Variants in CCDC198 observed in about 807,000 individuals in gnomAD.
CCDC198 encodes factor associated with metabolism and energy.
In CCDC198, 18 loss-of-function variants were observed where a neutral mutation model predicts 35.6. That is an observed-to-expected ratio of 0.51 (90% CI 0.35 to 0.75). The LOEUF is 0.75. CCDC198 is among the 30% of genes least tolerant of loss of function. CCDC198 has a pLI of 0.01. For missense variants in CCDC198, 365 were observed against 343.7 expected (o/e 1.06, Z -0.49); for synonymous variants, 119 against 113.4 (o/e 1.05, Z -0.31).
At chr14:57,477,542 G>C (rs1215046633) in intron 5 of CCDC198, among the ~76,000 whole-genome samples, 1 of 151,984 alleles carries the variant, frequency 6.6e-6, no homozygotes, top group Non-Finnish European at 1.5e-5. Flanking sequence ...ATTCTCATAC[G>C]GTTAAAGTGT....
At chr14:57,474,223 A>C (rs2066902125) in intron 5 of CCDC198, among the ~76,000 whole-genome samples, 1 of 152,254 alleles carries the variant, frequency 6.6e-6, no homozygotes, top group Non-Finnish European at 1.5e-5. Context: ...ATAGATGAAT[A>C]AATGAATAAA....
intron 5 of CCDC198, chr14:57,478,623 C>T (rs2067080815): frequency 1.3e-5 from 13 of 993,898 alleles, no homozygotes; most frequent in Non-Finnish European, 1.6e-5. Context: ...CAAGTGATGA[C>T]TCTTAAATGT....
chr14:57,471,263 G>A lies in CCDC198; in HGVS notation c.*92C>T, dbSNP rs1233314483. ...TTTCTTTTTACCAAAGTGATTTGCT[G>A]TCCTCAAAGTAATTCATATATCAGT... On this transcript the variant is annotated 3_prime_UTR_variant, in exon 6 of 6. Coordinates refer to ENST00000216445, the MANE Select transcript of CCDC198 (RefSeq NM_018168.4). 5.8e-6 allele frequency: 5 copies of A among 868,078 alleles called. No individual in the cohort carries two copies. The highest frequency in any genetic ancestry group is 9.0e-6 in the Non-Finnish European group (5 of 557,748). 53.8% of individuals were successfully genotyped at this position (868,078 alleles called of 1,614,324 possible).
intron 5 of CCDC198, 126 bp downstream of exon 5, chr14:57,480,469 G>T: frequency 7.8e-7 from 1 of 1,278,024 alleles, no homozygotes; most frequent in Non-Finnish European, 1.1e-6. Context: ...ATTCTGGGAA[G>T]TAAAAATCTC....
Position 57,480,711 on chromosome 14 carries a change from A to G in CCDC198, c.539T>C (p.Ile180Thr). Residue 180 changes from isoleucine (I) to threonine (T), a missense_variant, in exon 5 of 6, where the codon ATT becomes ACT. Coordinates refer to ENST00000216445, the MANE Select transcript of CCDC198 (RefSeq NM_018168.4). Reference protein sequence around the residue: ...LKKSLHGEARINKQSPRDHKA... With the variant: ...LKKSLHGEARTNKQSPRDHKA... The stretch of plus-strand genomic sequence containing the variant: ...ATGGTCCCTTGGACTTTGCTTATTA[A>G]TTCTTGCCTCTCCATGAAGACTTTT... The G allele has an allele frequency of 1.2e-6, 2 of 1,614,052 alleles. No homozygotes were observed. The highest frequency in any genetic ancestry group is 1.7e-6 in the Non-Finnish European group (2 of 1,179,956).
At chr14:57,489,459 A>C (rs1411536791) in intron 2 of CCDC198, among the ~76,000 whole-genome samples, 1 of 152,100 alleles carries the variant, frequency 6.6e-6, no homozygotes, top group Non-Finnish European at 1.5e-5. Context: ...CTGTGCAGCA[A>C]ATCACCGTGG....
chr14:57,483,021 C>T (rs2067238777), intron 3 of CCDC198, 44 bp downstream of exon 3: 2 of 1,613,164 alleles, frequency 1.2e-6, no homozygotes, highest in Non-Finnish European at 1.7e-6. Flanking sequence ...CCTGTGTCGC[C>T]CACCCCCAGT....
At chr14:57,473,718 T>A (rs1003206087) in intron 5 of CCDC198, among the ~76,000 whole-genome samples, 3 of 152,162 alleles carry the variant, frequency 2.0e-5, no homozygotes, top group African/African-American at 7.2e-5. Flanking sequence ...GAGTGACATT[T>A]AAAAATATGA....
At chr14:57,476,671 C>A (rs2067008095) in intron 5 of CCDC198, among the ~76,000 whole-genome samples, 1 of 152,170 alleles carries the variant, frequency 6.6e-6, no homozygotes, top group South Asian at 2.1e-4. Flanking sequence ...TTTTATCTCA[C>A]AAGAGAGCCA....
chr14:57,469,307 A>T lies in CCDC198; in HGVS notation c.*2048T>A, dbSNP rs1343602291. 1 of 152,234 alleles carries T rather than the reference A, an allele frequency of 6.6e-6. No individual in the cohort carries two copies. Among genetic ancestry groups the T allele is most frequent in the Non-Finnish European group, 1.5e-5 (1 of 68,048 alleles). The allele number at this position is 152,234 out of a possible 1,614,324, so 9.4% of individuals were successfully genotyped here. A position where few individuals can be genotyped will look rare whatever the true frequency, so the allele number is the denominator to read the frequency against. On this transcript the variant is annotated 3_prime_UTR_variant, in exon 6 of 6. Transcript: ENST00000216445. ...ACTAGTCAACTCAACACATTCATTAATTCAGCAAACATTTAATGATAAACT... is the reference window on the plus strand; with the variant it reads ...ACTAGTCAACTCAACACATTCATTATTTCAGCAAACATTTAATGATAAACT...
At chr14:57,472,436 T>C (rs1380762143) in intron 5 of CCDC198, among the ~76,000 whole-genome samples, 1 of 152,240 alleles carries the variant, frequency 6.6e-6, no homozygotes, top group African/African-American at 2.4e-5. Flanking sequence ...TATTTCCTTG[T>C]TATTAAATTG....
rs912265334 is a variant in CCDC198, at chr14:57,480,364, A to C, written c.655+231T>G. Reference sequence around the variant, plus strand: ...TGCAATGAAGCATGCAAAGCATATTAAACCCATACAAAGAAAGAGACATTT... The same window carrying C: ...TGCAATGAAGCATGCAAAGCATATTCAACCCATACAAAGAAAGAGACATTT... On this transcript the variant is annotated intron_variant, in intron 5 of 5. Transcript: ENST00000216445. The C allele has an allele frequency of 1.7e-5, 15 of 904,202 alleles. No individual in the cohort carries two copies. In the African/African-American group the frequency reaches 2.2e-4, roughly 13 times the overall value. The allele number at this position is 904,202 out of a possible 1,614,324, so 56.0% of individuals were successfully genotyped here.
intron 5 of CCDC198, chr14:57,475,518 C>A (rs1446144959): frequency 1.1e-6 from 1 of 938,008 alleles, no homozygotes; most frequent in Non-Finnish European, 1.4e-6. Flanking sequence ...ACCAGCTTGG[C>A]CAACATGGTG....
chr14:57,483,459 C>T (rs1451690114), intron 2 of CCDC198, among the ~76,000 whole-genome samples: 2 of 152,110 alleles, frequency 1.3e-5, no homozygotes, highest in African/African-American at 2.4e-5. Context: ...TATCAAACCA[C>T]CAGGATCTTA....
intron 4 of CCDC198, 74 bp from the exon 5 acceptor site, chr14:57,480,828 C>G: frequency 1.3e-6 from 2 of 1,504,256 alleles, no homozygotes; most frequent in Non-Finnish European, 1.8e-6. Context: ...ACAGATCAGC[C>G]ACTTTGCAAG....
At chr14:57,493,385 A>AT (rs1232084695) in intron 1 of CCDC198, 108 bp downstream of exon 1, 9 of 948,806 alleles carry the variant, frequency 9.5e-6, no homozygotes, top group African/African-American at 1.6e-5. Flanking sequence ...ATTCCTTTAC[A>AT]TTTCAGGAAT....
intron 4 of CCDC198, among the ~76,000 whole-genome samples, chr14:57,481,322 A>T (rs2067177113): frequency 6.6e-6 from 1 of 152,234 alleles, no homozygotes; most frequent in African/African-American, 2.4e-5. Context: ...AACTGTTTTT[A>T]AAAATGGAGA....
chr14:57,470,390 A>T lies in CCDC198; in HGVS notation c.*965T>A, dbSNP rs777372182. On this transcript the variant is annotated 3_prime_UTR_variant, in exon 6 of 6. Coordinates refer to ENST00000216445, the MANE Select transcript of CCDC198 (RefSeq NM_018168.4). Reference sequence around the variant, plus strand: ...CATTCTGTCGCCCAGGCTGGAGTGCAGTGGAGTGATCTTGGCTCATTGCAA... The same window carrying T: ...CATTCTGTCGCCCAGGCTGGAGTGCTGTGGAGTGATCTTGGCTCATTGCAA... The T allele has an allele frequency of 2.0e-5, 3 of 152,162 alleles. No homozygotes were observed. The highest frequency in any genetic ancestry group is 4.4e-5 in the Non-Finnish European group (3 of 68,032). 9.4% of individuals were successfully genotyped at this position (152,162 alleles called of 1,614,324 possible).
At chr14:57,493,323 C>A (rs1483163383) in intron 1 of CCDC198, among the ~76,000 whole-genome samples, 170 bp downstream of exon 1, 1 of 152,136 alleles carries the variant, frequency 6.6e-6, no homozygotes, top group East Asian at 1.9e-4. Context: ...AGAATACTTT[C>A]AACTGATGTT....
Sources: allele counts gnomAD v4.1 joint callset (sites outside exome capture counted in the v4.1 genomes callset), GRCh38; gene constraint gnomAD v4.1.1; transcripts MANE v1.5; gene names NCBI Gene and HGNC (gene_info 2026-07-23, HGNC 2026-07-21).